The following TXNDC11 variants were observed in gnomAD, a reference collection of about 807,000 sequenced individuals.
The protein encoded by TXNDC11 is thioredoxin domain-containing protein 11.
In TXNDC11, 68 loss-of-function variants were observed where a neutral mutation model predicts 78.0. The ratio of observed to expected loss-of-function variants is 0.87; its 90% CI spans 0.72 to 1.07. TXNDC11 has a LOEUF of 1.07. Ranked by LOEUF, TXNDC11 falls within the 50% of genes least tolerant of loss-of-function variation. TXNDC11 has a pLI of 0.00. For missense variants in TXNDC11, 1,389 were observed against 1,221.8 expected, an observed-to-expected ratio of 1.14 and a Z score of -2.04; for synonymous variants, 571 against 495.2, an observed-to-expected ratio of 1.15 and a Z score of -2.03.
Position 11,685,372 on chromosome 16 carries a change from G to A in TXNDC11, c.2154-1127C>T, listed in dbSNP as rs183787555. Among the ~76,000 whole-genome samples the A allele has an allele frequency of 3.2e-3, 487 of 150,558 alleles. 1 individual carries two copies. The highest frequency in any genetic ancestry group is 2.5e-3 in the Non-Finnish European group (170 of 67,760). On this transcript the variant is annotated intron_variant, in intron 10 of 11. Transcript: ENST00000283033. ...TCTCAAAAAAACAACAACGCCGGGC[G>A]TGGTGGCTCACGTCTGTAATCCCAG... is the stretch of plus-strand genomic sequence containing the variant.
Position 11,688,358 on chromosome 16 carries a change from T to C in TXNDC11, c.1988A>G (p.His663Arg). The stretch of plus-strand genomic sequence containing the variant: ...ATCAGTTGTCACTTCAGTGATTAAA[T>C]GCTGAGACGGGAACTGGGCAGAGCC... ...GSGSAQFPSQ[H>R]LITEVTTDTF... Residue 663 changes from histidine to arginine, a missense_variant, in exon 9 of 12, where the codon CAT (histidine) becomes CGT (arginine). His to Arg is a conservative substitution (Grantham distance 29). Transcript: ENST00000283033. The C allele has an allele frequency of 1.2e-6, 2 of 1,614,198 alleles. No individual in the cohort carries two copies. Among genetic ancestry groups the C allele is most frequent in the African/African-American group, 1.3e-5 (1 of 75,052 alleles).
chr16:11,703,701 T>C, intron 5 of TXNDC11: 2 of 702,514 alleles, frequency 2.8e-6, no homozygotes, highest in Middle Eastern at 2.5e-4. Flanking sequence ...CTAAATGCCA[T>C]TCTCCAGTAA....
intron 5 of TXNDC11, among the ~76,000 whole-genome samples, chr16:11,716,525 A>G (rs2051531101): frequency 6.6e-6 from 1 of 152,164 alleles, no homozygotes; most frequent in African/African-American, 2.4e-5. Flanking sequence ...TTTGAAACAT[A>G]TACAAAGATT....
intron 4 of TXNDC11, among the ~76,000 whole-genome samples, chr16:11,724,865 C>G (rs1597480371): frequency 2.6e-5 from 4 of 152,172 alleles, no homozygotes; most frequent in Admixed American, 2.6e-4. Flanking sequence ...CCTGCCTCAG[C>G]CTCCCGAGTA....
chr16:11,684,662 G>C (rs1324572930), intron 10 of TXNDC11, among the ~76,000 whole-genome samples: 1 of 130,588 alleles, frequency 7.7e-6, no homozygotes, highest in African/African-American at 2.5e-5. Flanking sequence ...TGTAAATCTG[G>C]ATAGAGACCA....
rs1473506761 is a variant in TXNDC11 at position 11,742,683 on chromosome 16, G to A, written c.48C>T (p.Asp16=). The change falls in exon 1 of 12, where the codon GAC becomes GAT. Residue 16 remains aspartate (D), a synonymous_variant. Transcript: ENST00000283033. ...GRGGGSSSSE[D]AEDEGGGGGG... Reference sequence around the variant, plus strand: ...CGCCGCCCCCTCCCTCGTCCTCGGCGTCCTCGCTGCTGCTGCTGCCGCCGC... The same window carrying A: ...CGCCGCCCCCTCCCTCGTCCTCGGCATCCTCGCTGCTGCTGCTGCCGCCGC... The A allele has an allele frequency of 1.4e-6, 2 of 1,474,312 alleles. No individual in the cohort carries two copies. The highest frequency in any genetic ancestry group is 1.8e-6 in the Non-Finnish European group (2 of 1,120,372). 91.3% of individuals were successfully genotyped at this position (1,474,312 alleles called of 1,614,324 possible). A position where few individuals can be genotyped will look rare whatever the true frequency, so the allele number is the denominator to read the frequency against.
chr16:11,711,300 G>A (rs2051347711), intron 5 of TXNDC11, among the ~76,000 whole-genome samples: 1 of 152,104 alleles, frequency 6.6e-6, no homozygotes, highest in Non-Finnish European at 1.5e-5. Context: ...TGACGGTACT[G>A]GCTTCGTGTT....
At chr16:11,733,687 G>A (rs8055247) in intron 3 of TXNDC11, among the ~76,000 whole-genome samples, 68,508 of 152,124 alleles carry the variant, frequency 0.45, 15,822 homozygotes, top group Middle Eastern at 0.57. Flanking sequence ...TATCTGAAAT[G>A]CATTGGAGTA....
chr16:11,723,977 A>G (rs1014147660), intron 4 of TXNDC11, among the ~76,000 whole-genome samples: 4 of 152,224 alleles, frequency 2.6e-5, no homozygotes, highest in African/African-American at 4.8e-5. Context: ...AGTAAATTAT[A>G]AAGTACAAGT....
At chr16:11,703,712 A>G (rs749918882) in intron 5 of TXNDC11, 4 of 702,318 alleles carry the variant, frequency 5.7e-6, no homozygotes, top group South Asian at 1.5e-5. Context: ...TCTCCAGTAA[A>G]AGAAACCAGG....
chr16:11,688,215 A>C, intron 9 of TXNDC11, 88 bp downstream of exon 9: 1 of 1,457,348 alleles, frequency 6.9e-7, no homozygotes, highest in Non-Finnish European at 9.4e-7. Context: ...CTATACATCA[A>C]AAACAGCTGC....
chr16:11,698,175 G>C lies in TXNDC11; in HGVS notation c.1057C>G (p.Leu353Val), dbSNP rs140252714. The part of the protein sequence containing the change: ...NELKKGPALF[L>V]FIPFNPLAES... ...GCCAGGGGATTAAAAGGTATGAACAGAAACAGCGCTGGTCCTTTCTTCAGC... is the reference window on the plus strand; with the variant it reads ...GCCAGGGGATTAAAAGGTATGAACACAAACAGCGCTGGTCCTTTCTTCAGC... The change falls in exon 7 of 12, where the codon CTG becomes GTG. Residue 353 changes from leucine to valine, a missense_variant. Physicochemically the swap from Leu to Val is conservative, Grantham distance 32. Transcript: ENST00000283033. 2.5e-6 allele frequency: 4 copies of C among 1,614,128 alleles called. No homozygotes were observed. In the African/African-American group the frequency reaches 4.0e-5, roughly 16 times the overall value.
In TXNDC11 at chr16:11,679,700, C is replaced by T. The variant is rs773294363; in HGVS notation, c.2372G>A (p.Ser791Asn). 11 of 1,614,198 alleles carry T rather than the reference C, an allele frequency of 6.8e-6. 1 individual carries two copies. In the South Asian group the frequency reaches 1.1e-4, roughly 16 times the overall value. ...ANSPTKECLQ[S>N]EAVLQRGHIS... ...GTGCCCCCGCTGTAAGACTGCCTCG[C>T]TCTGAAGACACTCCTTGGTAGGAGA... The change falls in exon 12 of 12, where the codon AGC becomes AAC. Residue 791 changes from serine to asparagine, a missense_variant. Ser to Asn is a conservative substitution (Grantham distance 46, BLOSUM62 1). Transcript: ENST00000283033. This position sits in a 1 kb window ranked among gnomAD's most constrained non-coding sequence, Gnocchi z 4.6.
chr16:11,713,280 C>CAA (rs60166472), intron 5 of TXNDC11, among the ~76,000 whole-genome samples: 32 of 97,616 alleles, frequency 3.3e-4, no homozygotes, highest in South Asian at 1.6e-3. Context: ...GACTCTGTCT[C>CAA]AAAAAAAAAA....
chr16:11,736,239 A>G lies in TXNDC11; in HGVS notation c.255-6T>C. On this transcript the variant is annotated splice_region_variant and splice_polypyrimidine_tract_variant and intron_variant, in intron 1 of 11. Coordinates refer to ENST00000283033, the MANE Select transcript of TXNDC11 (RefSeq NM_015914.7). ...TTATCACATCTTTTGCTCGACTAAA[A>G]AAGAGCAAACACAGAAAAGATTGCT... The G allele has an allele frequency of 1.3e-6, 2 of 1,594,678 alleles. No individual in the cohort carries two copies. The highest frequency in any genetic ancestry group is 1.7e-6 in the Non-Finnish European group (2 of 1,168,426).
intron 5 of TXNDC11, among the ~76,000 whole-genome samples, chr16:11,714,929 G>C (rs898822240): frequency 6.6e-6 from 1 of 152,144 alleles, no homozygotes; most frequent in African/African-American, 2.4e-5. Flanking sequence ...AAAGGTGGTA[G>C]AAGGGAGTGG....
At chr16:11,739,748 T>C (rs565108945) in intron 1 of TXNDC11, among the ~76,000 whole-genome samples, 2 of 152,178 alleles carry the variant, frequency 1.3e-5, no homozygotes, top group East Asian at 1.9e-4. Flanking sequence ...AAGTAAAGAT[T>C]AGATGCCCAG....
At chr16:11,689,967 T>C (rs555374790) in intron 8 of TXNDC11, 1 of 152,230 alleles carries the variant, frequency 6.6e-6, no homozygotes, top group Non-Finnish European at 1.5e-5. Context: ...TGTAACTTGA[T>C]ATAGAAAAAT....
At chr16:11,718,184 T>C (rs982214232) in intron 5 of TXNDC11, among the ~76,000 whole-genome samples, 4 of 152,190 alleles carry the variant, frequency 2.6e-5, no homozygotes, top group African/African-American at 9.7e-5. Context: ...CATGGTACTC[T>C]CGCAAATTAT....
Sources: gnomAD v4.1 joint callset for allele counts (sites outside exome capture counted in the v4.1 genomes callset) on GRCh38, gnomAD v4.1.1 for gene constraint, Gnocchi (gnomAD v3.1) non-coding constraint, MANE v1.5 for transcripts, NCBI Gene and HGNC (gene_info 2026-07-23, HGNC 2026-07-21) for gene names.